The following CCDC171 variants were observed in gnomAD, a reference collection of about 807,000 sequenced individuals.
The protein encoded by CCDC171 is coiled-coil domain containing 171, also known as coiled-coil domain-containing protein 171.
CCDC171 carries 177 observed loss-of-function variants against 168.2 expected under a neutral mutation model. The observed-to-expected ratio is 1.05, with a 90% CI of 0.93 to 1.19. CCDC171 has a LOEUF of 1.19. CCDC171 is among the 50% of genes most tolerant of loss of function. CCDC171 has a pLI of 0.00. For missense variants in CCDC171, 1,991 were observed against 1,539.0 expected (o/e 1.29, Z -4.91); for synonymous variants, 687 against 540.8 (o/e 1.27, Z -3.75).
intron 25 of CCDC171, among the ~76,000 whole-genome samples, chr9:15,968,286 A>T (rs1830999171): frequency 1.3e-5 from 2 of 152,226 alleles, no homozygotes. Context: ...AGCAGTTTTA[A>T]AAGTAGTTTA....
Position 15,970,384 on chromosome 9 carries a change from TCTA to T in CCDC171, c.3754-1221_3754-1219del, listed in dbSNP as rs561174571. On this transcript the variant is annotated intron_variant, in intron 25 of 25. Coordinates refer to ENST00000380701, the MANE Select transcript of CCDC171 (RefSeq NM_173550.4). ...TTTTGTTATCAAAACTGTAAGAGGATCTACTAAAAAGTTTTTTTTTTTTTAAAA... is the reference window on the plus strand; with the variant it reads ...TTTTGTTATCAAAACTGTAAGAGGATCTAAAAAGTTTTTTTTTTTTTAAAA... Among the ~76,000 whole-genome samples, 255 of 151,884 alleles carry T rather than the reference TCTA, an allele frequency of 1.7e-3. 2 individuals are homozygous for T. The highest frequency in any genetic ancestry group is 5.7e-3 in the African/African-American group (237 of 41,292).
intron 3 of CCDC171, among the ~76,000 whole-genome samples, chr9:16,014,832 G>A (rs1484373582): frequency 6.6e-6 from 1 of 152,100 alleles, no homozygotes; most frequent in Non-Finnish European, 1.5e-5. Flanking sequence ...AACAGGCTTT[G>A]TTATTCCATT....
At chr9:15,636,466 G>A (rs991718608) in intron 7 of CCDC171, among the ~76,000 whole-genome samples, 5 of 151,998 alleles carry the variant, frequency 3.3e-5, no homozygotes, top group African/African-American at 1.2e-4. Flanking sequence ...AAAGGATTAA[G>A]GGCCAGGAGC....
chr9:15,580,791 T>C (rs1340821618), intron 4 of CCDC171, among the ~76,000 whole-genome samples: 1 of 152,082 alleles, frequency 6.6e-6, no homozygotes. Flanking sequence ...GGAATGTAAA[T>C]TAGTACAATC....
chr9:15,796,458 A>G (rs1384373234), intron 21 of CCDC171, among the ~76,000 whole-genome samples: 5 of 152,254 alleles, frequency 3.3e-5, no homozygotes, highest in African/African-American at 1.2e-4. Flanking sequence ...ATGGGAGAAA[A>G]AGGATTACTT....
intron 24 of CCDC171, among the ~76,000 whole-genome samples, chr9:15,891,668 T>C (rs1380938670): frequency 1.3e-5 from 2 of 152,194 alleles, no homozygotes; most frequent in Non-Finnish European, 2.9e-5. Flanking sequence ...AAAGGCTCAC[T>C]AACTAAAATG....
intron 6 of CCDC171, among the ~76,000 whole-genome samples, chr9:15,598,412 C>T (rs553583932): frequency 6.6e-6 from 1 of 152,132 alleles, no homozygotes; most frequent in East Asian, 1.9e-4. Flanking sequence ...ATGTACCCAG[C>T]AGTCATTCAG....
chr9:16,047,388 C>A (rs527257086), intron 1 of CCDC171, among the ~76,000 whole-genome samples: 1 of 152,170 alleles, frequency 6.6e-6, no homozygotes, highest in Admixed American at 6.5e-5. Flanking sequence ...TAATAAGCCT[C>A]GTTCTACCTC....
At chr9:15,714,245 G>A (rs545765512) in intron 11 of CCDC171, among the ~76,000 whole-genome samples, 5 of 152,248 alleles carry the variant, frequency 3.3e-5, no homozygotes, top group Admixed American at 3.3e-4. Context: ...TTCAATTTGT[G>A]TTTTGGTAGG....
chr9:15,919,193 G>T (rs1320465400), intron 24 of CCDC171, among the ~76,000 whole-genome samples: 1 of 151,536 alleles, frequency 6.6e-6, no homozygotes, highest in Middle Eastern at 3.2e-3. Flanking sequence ...TTTTTTGAGG[G>T]CAAATAAGAA....
intron 23 of CCDC171, among the ~76,000 whole-genome samples, chr9:15,870,863 A>T (rs1465892548): frequency 6.6e-6 from 1 of 151,476 alleles, no homozygotes; most frequent in African/African-American, 2.4e-5. Flanking sequence ...GGCTAATCAG[A>T]GAAATAGGAA....
At position 15,910,848 on chromosome 9, in the gene CCDC171, C is replaced by A. The variant is rs554848181; in HGVS notation, c.3601-9422C>A. 9.2e-5 allele frequency among the ~76,000 whole-genome samples: 14 copies of A among 152,306 alleles called. No homozygotes were observed. In the South Asian group the frequency reaches 2.7e-3, roughly 29 times the overall value. On this transcript the variant is annotated intron_variant, in intron 24 of 25. Coordinates refer to ENST00000380701, the MANE Select transcript of CCDC171 (RefSeq NM_173550.4). ...TGTTGAGAATGATGGTTTCCAGCTTCATCCATGTCCCTGCAGAGGACATGA... is the reference window on the plus strand; with the variant it reads ...TGTTGAGAATGATGGTTTCCAGCTTAATCCATGTCCCTGCAGAGGACATGA...
intron 6 of CCDC171, among the ~76,000 whole-genome samples, chr9:15,619,370 T>C (rs1335649492): frequency 6.6e-6 from 1 of 152,212 alleles, no homozygotes; most frequent in Non-Finnish European, 1.5e-5. Flanking sequence ...AGTGCTACTT[T>C]AGTGAACACA....
intron 21 of CCDC171, among the ~76,000 whole-genome samples, chr9:15,833,509 TTAAA>T (rs1169148541): frequency 3.3e-5 from 5 of 152,232 alleles, no homozygotes; most frequent in African/African-American, 1.2e-4. Context: ...TTTCATTTCT[TTAAA>T]TAATTTTCTC....
At chr9:15,736,869 G>A (rs565711037) in intron 16 of CCDC171, among the ~76,000 whole-genome samples, 2 of 151,992 alleles carry the variant, frequency 1.3e-5, no homozygotes, top group Admixed American at 6.6e-5. Context: ...GTAGAGATTG[G>A]GTTTTGCCAT....
At chr9:15,738,573 T>A (rs1363652736) in intron 16 of CCDC171, among the ~76,000 whole-genome samples, 1 of 152,188 alleles carries the variant, frequency 6.6e-6, no homozygotes, top group Non-Finnish European at 1.5e-5. Flanking sequence ...TCCTTATGTT[T>A]GTTTTAAAAA....
chr9:16,021,516 A>G (rs531276360), intron 4 of CCDC171, among the ~76,000 whole-genome samples: 1 of 152,306 alleles, frequency 6.6e-6, no homozygotes, highest in Admixed American at 6.5e-5. Context: ...AAAGGCAGGG[A>G]TTTGGGAGCT....
At chr9:15,832,625 C>G (rs2060279818) in intron 21 of CCDC171, among the ~76,000 whole-genome samples, 1 of 152,248 alleles carries the variant, frequency 6.6e-6, no homozygotes, top group South Asian at 2.1e-4. Context: ...AGGGCACTTA[C>G]CATGAATGGG....
Position 15,724,864 on chromosome 9 carries a change from T to C in CCDC171, c.1580T>C (p.Leu527Ser). The C allele has an allele frequency of 1.2e-6, 2 of 1,613,882 alleles. No homozygotes were observed. Among genetic ancestry groups the C allele is most frequent in the Non-Finnish European group, 1.7e-6 (2 of 1,179,794 alleles). Residue 527 changes from leucine (L) to serine (S), a missense_variant, in exon 14 of 26, where the codon TTA (leucine) becomes TCA (serine). Leu to Ser is a moderately radical substitution (Grantham distance 145). Coordinates refer to ENST00000380701, the MANE Select transcript of CCDC171 (RefSeq NM_173550.4). The stretch of plus-strand genomic sequence containing the variant: ...GACCGAGAGGCTTTAATAAGCACTT[T>C]AAAAGTGGAACTACAAAATGTGCTG... ...CADREALIST[L>S]KVELQNVLHC...
Sources: gnomAD v4.1 joint callset for allele counts (sites outside exome capture counted in the v4.1 genomes callset) on GRCh38, gnomAD v4.1.1 for gene constraint, MANE v1.5 for transcripts, NCBI Gene and HGNC (gene_info 2026-07-23, HGNC 2026-07-21) for gene names.